Variants in PAQR5 observed in about 807,000 individuals in gnomAD.
PAQR5 encodes the protein progestin and adipoQ receptor family member 5.
In PAQR5, 20 loss-of-function variants were observed where a neutral mutation model predicts 34.5. The ratio of observed to expected loss-of-function variants is 0.58; its 90% CI spans 0.41 to 0.84. The LOEUF is 0.84. Ranked by LOEUF, PAQR5 falls within the 40% of genes least tolerant of loss-of-function variation. The probability of loss-of-function intolerance (pLI) is 0.00; values close to 1 mark genes in which losing one functional copy is unlikely to be tolerated. For missense variants in PAQR5, 378 were observed against 412.7 expected, an observed-to-expected ratio of 0.92 and a Z score of 0.73; for synonymous variants, 131 against 155.6, an observed-to-expected ratio of 0.84 and a Z score of 1.18.
rs542020893 is a variant in PAQR5 at position 69,404,132 on chromosome 15, A to G, written c.*310A>G. 3.5e-6 allele frequency: 1 copy of G among 288,666 alleles called. No individual in the cohort carries two copies. The highest frequency in any genetic ancestry group is 8.6e-5 in the East Asian group (1 of 11,640). 17.9% of individuals were successfully genotyped at this position (288,666 alleles called of 1,614,324 possible). A position where few individuals can be genotyped will look rare whatever the true frequency, so the allele number is the denominator to read the frequency against. On this transcript the variant is annotated 3_prime_UTR_variant, in exon 9 of 9. Coordinates refer to ENST00000395407, the MANE Select transcript of PAQR5 (RefSeq NM_017705.4). ...AAATTCTATTTAAACATTTGGATTA[A>G]GCATATTACTCTGGAGCTTTGTATT...
intron 1 of PAQR5, 116 bp downstream of exon 1, chr15:69,299,172 GTGGC>G (rs2053463620): frequency 6.6e-6 from 1 of 152,148 alleles, no homozygotes; most frequent in African/African-American, 2.4e-5. Flanking sequence ...TTGAGCCTGG[GTGGC>G]CGCTCCGAGG....
At chr15:69,302,633 C>T (rs566264498) in intron 1 of PAQR5, among the ~76,000 whole-genome samples, 13 of 152,156 alleles carry the variant, frequency 8.5e-5, no homozygotes, top group Non-Finnish European at 1.8e-4. Context: ...TGCCAGGAAC[C>T]CTGTGTGACC....
intron 5 of PAQR5, among the ~76,000 whole-genome samples, chr15:69,387,200 T>A (rs2056136850): frequency 6.6e-6 from 1 of 152,234 alleles, no homozygotes. Flanking sequence ...TCCAGACTGC[T>A]TAGCGGGGCG....
chr15:69,379,200 T>C (rs1051783422), intron 3 of PAQR5, among the ~76,000 whole-genome samples: 1 of 152,084 alleles, frequency 6.6e-6, no homozygotes, highest in Non-Finnish European at 1.5e-5. Context: ...TTACCACTTT[T>C]AGTGGATGTA....
chr15:69,319,943 C>T (rs936751972), intron 1 of PAQR5, among the ~76,000 whole-genome samples: 8 of 152,240 alleles, frequency 5.3e-5, no homozygotes, highest in African/African-American at 9.6e-5. Context: ...CCTTCCTCTG[C>T]GGTCTGGTCT....
chr15:69,378,239 T>A (rs1303830774), intron 3 of PAQR5, among the ~76,000 whole-genome samples: 1 of 111,586 alleles, frequency 9.0e-6, no homozygotes, highest in Non-Finnish European at 1.7e-5. Flanking sequence ...CACTCCAGCC[T>A]GGGCAACAAA....
intron 1 of PAQR5, among the ~76,000 whole-genome samples, chr15:69,333,628 G>A (rs889136191): frequency 6.6e-6 from 1 of 152,126 alleles, no homozygotes; most frequent in Non-Finnish European, 1.5e-5. Context: ...AGCATTGCAC[G>A]GTCTTCTCCC....
intron 1 of PAQR5, among the ~76,000 whole-genome samples, chr15:69,324,877 G>T (rs559619177): frequency 4.7e-5 from 7 of 149,918 alleles, no homozygotes; most frequent in Middle Eastern, 3.5e-3. Flanking sequence ...GACTCTTCAA[G>T]ACTTATCCCA....
intron 1 of PAQR5, among the ~76,000 whole-genome samples, chr15:69,323,373 G>A (rs1234985821): frequency 3.9e-5 from 6 of 152,208 alleles, no homozygotes; most frequent in South Asian, 4.1e-4. Flanking sequence ...TTATGCCTTC[G>A]GCTCAGGGAA....
intron 1 of PAQR5, among the ~76,000 whole-genome samples, chr15:69,336,329 A>G (rs1303652166): frequency 6.6e-6 from 1 of 152,142 alleles, no homozygotes; most frequent in Non-Finnish European, 1.5e-5. Flanking sequence ...CAAAAATGAC[A>G]TTTGGCTTAT....
intron 2 of PAQR5, among the ~76,000 whole-genome samples, chr15:69,340,891 T>C (rs1331581531): frequency 6.6e-6 from 1 of 152,248 alleles, no homozygotes; most frequent in Non-Finnish European, 1.5e-5. Flanking sequence ...GTGTATAATA[T>C]GTATTTTTTT....
At chr15:69,395,354 A>G (rs1161260094) in intron 6 of PAQR5, among the ~76,000 whole-genome samples, 1 of 152,224 alleles carries the variant, frequency 6.6e-6, no homozygotes, top group African/African-American at 2.4e-5. Context: ...CAGGGTTTAA[A>G]TCCTAGCTCT....
intron 3 of PAQR5, among the ~76,000 whole-genome samples, chr15:69,365,543 A>G (rs1176766264): frequency 6.6e-6 from 1 of 152,218 alleles, no homozygotes; most frequent in Non-Finnish European, 1.5e-5. Context: ...TTTGGTTTAA[A>G]TACAGCTTGA....
At chr15:69,321,533 T>A (rs1324397652) in intron 1 of PAQR5, among the ~76,000 whole-genome samples, 3 of 152,260 alleles carry the variant, frequency 2.0e-5, no homozygotes, top group Admixed American at 6.5e-5. Context: ...AATTGATAAT[T>A]CCTCATTATC....
intron 3 of PAQR5, among the ~76,000 whole-genome samples, chr15:69,366,394 T>C (rs754557398): frequency 2.0e-5 from 3 of 152,232 alleles, no homozygotes; most frequent in Non-Finnish European, 4.4e-5. Flanking sequence ...TTGGATATTA[T>C]AAATATGCTG....
At chr15:69,316,212 C>G (rs1490055734) in intron 1 of PAQR5, among the ~76,000 whole-genome samples, 1 of 152,144 alleles carries the variant, frequency 6.6e-6, no homozygotes, top group African/African-American at 2.4e-5. Context: ...TCCAGAATAG[C>G]TGGAATTATA....
chr15:69,333,086 G>C (rs2054423858), intron 1 of PAQR5, among the ~76,000 whole-genome samples: 1 of 151,904 alleles, frequency 6.6e-6, no homozygotes, highest in Non-Finnish European at 1.5e-5. Context: ...TTTTTTTCCT[G>C]GGAAAAGGTT....
chr15:69,350,013 C>G (rs2140784520), intron 2 of PAQR5, among the ~76,000 whole-genome samples: 1 of 152,224 alleles, frequency 6.6e-6, no homozygotes, highest in Middle Eastern at 3.4e-3. Context: ...GGATTTTTCA[C>G]TTAAGACTTA....
chr15:69,375,972 G>A (rs1424571287), intron 3 of PAQR5, among the ~76,000 whole-genome samples: 1 of 152,208 alleles, frequency 6.6e-6, no homozygotes, highest in Non-Finnish European at 1.5e-5. Context: ...TAGAATTGTA[G>A]GCATTGGCTA....
Sources: gnomAD v4.1 joint callset for allele counts (sites outside exome capture counted in the v4.1 genomes callset) on GRCh38, gnomAD v4.1.1 for gene constraint, MANE v1.5 for transcripts, NCBI Gene and HGNC (gene_info 2026-07-23, HGNC 2026-07-21) for gene names.